ANKRD44: variants seen among roughly 807,000 people sequenced by gnomAD.
ANKRD44 encodes the protein serine/threonine-protein phosphatase 6 regulatory ankyrin repeat subunit B.
ANKRD44 carries 35 observed loss-of-function variants against 116.0 expected under a neutral mutation model. The ratio of observed to expected loss-of-function variants is 0.30; its 90% confidence interval spans 0.23 to 0.40. The LOEUF (loss-of-function observed/expected upper bound fraction) is 0.40. Ranked by LOEUF, ANKRD44 falls within the 10% of genes least tolerant of loss-of-function variation. The pLI is 1.00. For missense variants in ANKRD44, 1,014 were observed against 1,242.6 expected (o/e 0.82, Z 2.77); for synonymous variants, 435 against 461.8 (o/e 0.94, Z 0.74).
At chr2:197,109,221 AAC>A (rs2078509069) in intron 9 of ANKRD44, among the ~76,000 whole-genome samples, 1 of 152,200 alleles carries the variant, frequency 6.6e-6, no homozygotes, top group South Asian at 2.1e-4. Context: ...ATTTCTGAAA[AAC>A]AGTTGAGAAA....
intron 21 of ANKRD44, among the ~76,000 whole-genome samples, chr2:196,979,035 C>A (rs980024948): frequency 6.6e-6 from 1 of 151,982 alleles, no homozygotes; most frequent in African/African-American, 2.4e-5. Flanking sequence ...CTAGATCTGG[C>A]ACTAATTAGC....
At chr2:197,211,296 T>C (rs1379360406) in intron 1 of ANKRD44, among the ~76,000 whole-genome samples, 1 of 152,102 alleles carries the variant, frequency 6.6e-6, no homozygotes, top group Non-Finnish European at 1.5e-5. Flanking sequence ...AGGGATGTTG[T>C]GGGGAAATGG....
intron 27 of ANKRD44, among the ~76,000 whole-genome samples, chr2:196,991,587 A>T (rs2075917291): frequency 1.3e-5 from 2 of 151,940 alleles, no homozygotes; most frequent in Admixed American, 1.3e-4. Flanking sequence ...AAATTTAACA[A>T]ATTTTTTTTT....
At chr2:196,998,527 T>A (rs1490983765) in intron 24 of ANKRD44, 108 bp from the exon 25 acceptor site, 12 of 774,664 alleles carry the variant, frequency 1.5e-5, no homozygotes, top group Admixed American at 7.8e-5. Flanking sequence ...ACAGTTCACA[T>A]AATCATATTT....
intron 25 of ANKRD44, among the ~76,000 whole-genome samples, chr2:196,996,700 C>T (rs1163571387): frequency 4.6e-5 from 7 of 151,878 alleles, no homozygotes; most frequent in African/African-American, 1.7e-4. Flanking sequence ...GTCAGGAGTT[C>T]GAGACCAGCC....
At chr2:197,140,115 C>T (rs1054561459) in intron 3 of ANKRD44, among the ~76,000 whole-genome samples, 9 of 136,328 alleles carry the variant, frequency 6.6e-5, no homozygotes, top group Non-Finnish European at 1.4e-4. Context: ...CTCCTGACCT[C>T]AGGTGATCTA....
intron 27 of ANKRD44, chr2:196,990,965 G>A (rs980096588): frequency 8.1e-7 from 1 of 1,231,778 alleles, no homozygotes. Context: ...GTTAGTCCTG[G>A]GGAGCCTAGA....
intron 1 of ANKRD44, among the ~76,000 whole-genome samples, chr2:197,275,924 A>C (rs748807473): frequency 1.3e-5 from 2 of 152,192 alleles, no homozygotes; most frequent in Non-Finnish European, 2.9e-5. Context: ...AAATACACTA[A>C]ATTCTCTAGG....
chr2:197,226,498 T>C (rs2081717577), intron 1 of ANKRD44, among the ~76,000 whole-genome samples: 1 of 152,120 alleles, frequency 6.6e-6, no homozygotes, highest in African/African-American at 2.4e-5. Flanking sequence ...ACCCCATCTC[T>C]ACCAAAATAC....
At chr2:197,015,891 GC>G in intron 17 of ANKRD44, 1 of 523,468 alleles carries the variant, frequency 1.9e-6, no homozygotes, top group Non-Finnish European at 3.7e-6. Flanking sequence ...ATTATAGTGG[GC>G]GACAGCAATC....
intron 2 of ANKRD44, among the ~76,000 whole-genome samples, chr2:197,150,767 G>C (rs990012271): frequency 4.6e-5 from 7 of 152,162 alleles, no homozygotes; most frequent in African/African-American, 1.7e-4. Context: ...AGAGTGCAGG[G>C]ATAGGTCAAT....
chr2:197,157,675 CAAAAAAAAAA>C (rs35588359), intron 2 of ANKRD44, among the ~76,000 whole-genome samples: 13 of 83,088 alleles, frequency 1.6e-4, no homozygotes, highest in Admixed American at 1.4e-3. Context: ...GAGACTCTGT[CAAAAAAAAAA>C]AAAAAAAAAA....
intron 21 of ANKRD44, among the ~76,000 whole-genome samples, chr2:196,974,239 T>C (rs1471033890): frequency 6.6e-6 from 1 of 152,036 alleles, no homozygotes; most frequent in African/African-American, 2.4e-5. Flanking sequence ...TGCACCACCA[T>C]GCCTGACTAA....
At chr2:197,094,164 A>C (rs1048199168) in intron 10 of ANKRD44, among the ~76,000 whole-genome samples, 2 of 152,228 alleles carry the variant, frequency 1.3e-5, no homozygotes, top group Non-Finnish European at 2.9e-5. Context: ...CCCTACATCC[A>C]GTCTTTTCTG....
chr2:197,049,853 C>A (rs990410647), intron 16 of ANKRD44, among the ~76,000 whole-genome samples: 20 of 152,112 alleles, frequency 1.3e-4, no homozygotes, highest in African/African-American at 4.8e-4. Context: ...GGTACCTTTT[C>A]AGTTTTAACA....
At chr2:197,010,153 G>A (rs553709204) in intron 18 of ANKRD44, among the ~76,000 whole-genome samples, 2 of 152,200 alleles carry the variant, frequency 1.3e-5, no homozygotes, top group South Asian at 4.2e-4. Context: ...CTTCTCCCAG[G>A]TCGTTTTACA....
chr2:197,103,653 G>A (rs779116467), intron 9 of ANKRD44, among the ~76,000 whole-genome samples: 1 of 152,106 alleles, frequency 6.6e-6, no homozygotes, highest in Admixed American at 6.5e-5. Context: ...CTAGAAAGGT[G>A]TGATACATTT....
Position 197,147,042 on chromosome 2 carries a change from G to A in ANKRD44, c.175C>T (p.Leu59Phe), listed in dbSNP as rs767091280. 1 of 1,613,718 alleles carries A rather than the reference G, an allele frequency of 6.2e-7. No homozygotes were observed. The highest frequency in any genetic ancestry group is 8.5e-7 in the Non-Finnish European group (1 of 1,179,662). Residue 59 changes from leucine to phenylalanine, a missense_variant, in exon 3 of 28, where the codon CTC (leucine) becomes TTC (phenylalanine). Coordinates refer to ENST00000282272, the MANE Select transcript of ANKRD44 (RefSeq NM_001195144.2). ...AGTTATTTACCTGACAAAATCAGGA[G>A]TTCAATGATCTCTGCATCTCCCAGA... ...AFLGDAEIIE[L>F]LILSGARVNA...
rs922247291 is a variant in ANKRD44 at position 197,099,740 on chromosome 2, C to T, written c.1100+76G>A. On this transcript the variant is annotated intron_variant, in intron 10 of 27. Transcript: ENST00000282272. ...CTTAACCTGGATAAATGGGAACTAT[C>T]TACTGCACGGAAGAATCTTTTTGGC... 1.9e-6 allele frequency: 3 copies of T among 1,578,964 alleles called. No homozygotes were observed. The highest frequency in any genetic ancestry group is 3.6e-5 in the Admixed American group (2 of 55,636).
Sources: allele counts gnomAD v4.1 joint callset (sites outside exome capture counted in the v4.1 genomes callset), GRCh38; gene constraint gnomAD v4.1.1; transcripts MANE v1.5; gene names NCBI Gene and HGNC (gene_info 2026-07-23, HGNC 2026-07-21).